GPR19: variants seen among roughly 807,000 people sequenced by gnomAD.
GPR19 encodes the protein G protein-coupled receptor 19.
GPR19 carries 14 observed loss-of-function variants against 28.5 expected under a neutral mutation model. That is an observed-to-expected ratio of 0.49 (90% CI 0.32 to 0.77). The LOEUF (loss-of-function observed/expected upper bound fraction) is 0.77. GPR19 is among the 30% of genes least tolerant of loss of function. The probability of loss-of-function intolerance (pLI) is 0.03; values close to 1 mark genes in which losing one functional copy is unlikely to be tolerated. For missense variants in GPR19, 409 were observed against 504.1 expected (o/e 0.81, Z 1.81); for synonymous variants, 173 against 184.1 (o/e 0.94, Z 0.49).
At chr12:12,673,976 C>G (rs763532933) in intron 3 of GPR19, among the ~76,000 whole-genome samples, 30 of 152,100 alleles carry the variant, frequency 2.0e-4, no homozygotes, top group Non-Finnish European at 3.2e-4. Flanking sequence ...CTTTGGGAGG[C>G]CGAGGCAGGT....
chr12:12,681,438 C>T (rs1415063305), intron 3 of GPR19, among the ~76,000 whole-genome samples: 1 of 152,238 alleles, frequency 6.6e-6, no homozygotes, highest in African/African-American at 2.4e-5. Context: ...AAGGGGAAGC[C>T]TCTCCACTTT....
At chr12:12,688,170 A>G (rs1946121433) in intron 2 of GPR19, among the ~76,000 whole-genome samples, 2 of 152,170 alleles carry the variant, frequency 1.3e-5, no homozygotes, top group Admixed American at 6.6e-5. Flanking sequence ...TTCAGTGAAG[A>G]GAGTGGGAGG....
intron 3 of GPR19, among the ~76,000 whole-genome samples, chr12:12,673,282 A>G (rs1197429190): frequency 6.6e-6 from 1 of 152,192 alleles, no homozygotes; most frequent in African/African-American, 2.4e-5. Context: ...TGATAAAAGG[A>G]AAGAGGTGTG....
upstream of GPR19, among the ~76,000 whole-genome samples, chr12:12,699,080 C>T (rs1946299832): frequency 1.3e-5 from 2 of 152,072 alleles, no homozygotes; most frequent in Admixed American, 1.3e-4. Flanking sequence ...CAGTGGCTCA[C>T]GCCTGTAATC....
the GPR19 span, among the ~76,000 whole-genome samples, chr12:12,704,030 G>A: frequency 6.6e-6 from 1 of 152,198 alleles, no homozygotes; most frequent in African/African-American, 2.4e-5. Flanking sequence ...GTGTGTATGT[G>A]GCGGGGGAAG....
chr12:12,708,683 G>A, the GPR19 span, among the ~76,000 whole-genome samples: 1 of 152,170 alleles, frequency 6.6e-6, no homozygotes, highest in Non-Finnish European at 1.5e-5. Flanking sequence ...TGCAAGAGTG[G>A]ATAATAGCAT....
chr12:12,661,855 C>T lies in GPR19; in HGVS notation c.594G>A (p.Val198=), dbSNP rs1406333486. 2 of 1,614,140 alleles carry T rather than the reference C, an allele frequency of 1.2e-6. No individual in the cohort carries two copies. Among genetic ancestry groups the T allele is most frequent in the Non-Finnish European group, 1.7e-6 (2 of 1,180,030 alleles). The part of the protein sequence containing the change: ...WVFDAGFVTP[V]LFFYGSNWDS... Reference sequence around the variant, plus strand: ...CCCAGTTGGAGCCATAGAAAAAGAGCACAGGGGTCACAAAGCCTGCATCAA... The same window carrying T: ...CCCAGTTGGAGCCATAGAAAAAGAGTACAGGGGTCACAAAGCCTGCATCAA... Residue 198 remains valine (V), a synonymous_variant, in exon 4 of 4, where the codon GTG becomes GTA. Coordinates refer to ENST00000651487, the MANE Select transcript of GPR19 (RefSeq NM_006143.3). This position sits in a 1 kb window ranked among gnomAD's most constrained non-coding sequence, Gnocchi z 4.2.
chr12:12,716,733 T>G, the GPR19 span: 3 of 985,248 alleles, frequency 3.0e-6, no homozygotes, highest in Non-Finnish European at 3.6e-6. Context: ...CTTTGGCTTC[T>G]TCCCTAGGCC....
intron 2 of GPR19, among the ~76,000 whole-genome samples, chr12:12,694,532 C>T (rs1441211276): frequency 6.6e-6 from 1 of 152,094 alleles, no homozygotes; most frequent in African/African-American, 2.4e-5. Context: ...TTAAAGCTCC[C>T]TAAATACAGA....
the GPR19 span, among the ~76,000 whole-genome samples, chr12:12,704,748 G>T: frequency 7.2e-5 from 11 of 152,142 alleles, no homozygotes; most frequent in Non-Finnish European, 1.6e-4. Context: ...CTGCCCTCCT[G>T]TGCTGTTTAA....
the GPR19 span, among the ~76,000 whole-genome samples, chr12:12,704,094 C>G: frequency 6.6e-6 from 1 of 152,200 alleles, no homozygotes; most frequent in Non-Finnish European, 1.5e-5. Context: ...AGGTTGTTAT[C>G]TTGACTTTGC....
chr12:12,665,577 G>T (rs1278643698), intron 3 of GPR19, among the ~76,000 whole-genome samples: 2 of 152,074 alleles, frequency 1.3e-5, no homozygotes, highest in Admixed American at 1.3e-4. Flanking sequence ...GGTGGCTCAC[G>T]CCTGTAATCC....
At chr12:12,697,122 A>G (rs971568695), upstream of GPR19, among the ~76,000 whole-genome samples, 5 of 137,110 alleles carry the variant, frequency 3.6e-5, no homozygotes, top group Non-Finnish European at 7.7e-5. Context: ...AGCAAAACCT[A>G]CATGATTTAA....
At chr12:12,665,634 C>T (rs1356946060) in intron 3 of GPR19, among the ~76,000 whole-genome samples, 3 of 151,908 alleles carry the variant, frequency 2.0e-5, no homozygotes, top group Non-Finnish European at 2.9e-5. Flanking sequence ...GTCAGGAGAT[C>T]GAGACCATCC....
chr12:12,694,551 C>G (rs886605887), intron 2 of GPR19, among the ~76,000 whole-genome samples: 3 of 152,044 alleles, frequency 2.0e-5, no homozygotes, highest in Non-Finnish European at 4.4e-5. Flanking sequence ...GACGGACCTA[C>G]GATGCACAGA....
intron 3 of GPR19, among the ~76,000 whole-genome samples, chr12:12,670,272 T>C (rs1382416364): frequency 6.6e-6 from 1 of 152,254 alleles, no homozygotes; most frequent in Admixed American, 6.5e-5. Context: ...AACATTTTAC[T>C]GGTGTCCTGT....
chr12:12,685,826 A>G (rs1946089899), intron 2 of GPR19, among the ~76,000 whole-genome samples: 1 of 152,216 alleles, frequency 6.6e-6, no homozygotes, highest in Admixed American at 6.5e-5. Flanking sequence ...AGAACTCAAG[A>G]AATCAATTTC....
At chr12:12,699,928 T>A (rs1418772898), upstream of GPR19, among the ~76,000 whole-genome samples, 1 of 152,094 alleles carries the variant, frequency 6.6e-6, no homozygotes, top group Non-Finnish European at 1.5e-5. Context: ...TGTTCTCATA[T>A]GAAATGTTTC....
chr12:12,672,966 C>A (rs1021589867), intron 3 of GPR19, among the ~76,000 whole-genome samples: 1 of 152,084 alleles, frequency 6.6e-6, no homozygotes, highest in Non-Finnish European at 1.5e-5. Context: ...AAATAATAAA[C>A]AGCTAAACAA....
Sources: allele counts gnomAD v4.1 joint callset (sites outside exome capture counted in the v4.1 genomes callset), GRCh38; gene constraint gnomAD v4.1.1; non-coding constraint Gnocchi (gnomAD v3.1); transcripts MANE v1.5; gene names NCBI Gene and HGNC (gene_info 2026-07-23, HGNC 2026-07-21).